CA5A: variants seen among roughly 807,000 people sequenced by gnomAD.
CA5A encodes carbonic anhydrase 5A, also known as carbonic anhydrase 5A, mitochondrial.
In CA5A, 28 loss-of-function variants were observed where a neutral mutation model predicts 37.1. The observed-to-expected ratio is 0.75, with a 90% CI of 0.56 to 1.03. The LOEUF is 1.03. CA5A is among the 50% of genes least tolerant of loss of function. CA5A has a pLI of 0.00. For missense variants in CA5A, 444 were observed against 399.9 expected, an observed-to-expected ratio of 1.11 and a Z score of -0.94; for synonymous variants, 171 against 158.4, an observed-to-expected ratio of 1.08 and a Z score of -0.60.
At chr16:87,921,878 A>ATTTTT (rs201967069) in intron 2 of CA5A, among the ~76,000 whole-genome samples, 3 of 149,422 alleles carry the variant, frequency 2.0e-5, no homozygotes, top group Non-Finnish European at 4.4e-5. Flanking sequence ...TATTATTATT[A>ATTTTT]TTTTTGAGAG....
rs927326038 is a variant in CA5A, at chr16:87,911,257, C to T, written c.341-6353G>A. 3.3e-5 allele frequency among the ~76,000 whole-genome samples: 5 copies of T among 152,244 alleles called. No individual in the cohort carries two copies. The highest frequency in any genetic ancestry group is 1.2e-4 in the African/African-American group (5 of 41,536). On this transcript the variant is annotated intron_variant, in intron 2 of 6. Transcript: ENST00000649794. This position sits in a 1 kb window ranked among gnomAD's most constrained non-coding sequence, Gnocchi z 4.6. Reference sequence around the variant, plus strand: ...TTCTGTGTAAGCAGGTGCGTCAGAACCGGCTCATGGAGATATAATTGAACG... The same window carrying T: ...TTCTGTGTAAGCAGGTGCGTCAGAATCGGCTCATGGAGATATAATTGAACG...
rs370026368 is a variant in CA5A at position 87,921,579 on chromosome 16, TTC to T, written c.340+5167_340+5168del. ...ATTGCTGCAGCCAGTGACAGGGCTG[TTC>T]TGAGTGGCCACGCCCAGGTCCCCAC... On this transcript the variant is annotated intron_variant, in intron 2 of 6. Transcript: ENST00000649794. Among the ~76,000 whole-genome samples, 450 of 152,322 alleles carry T rather than the reference TTC, an allele frequency of 3.0e-3. 1 individual carries two copies. Among genetic ancestry groups the T allele is most frequent in the African/African-American group, 0.01 (431 of 41,578 alleles).
intron 5 of CA5A, among the ~76,000 whole-genome samples, chr16:87,901,453 C>T (rs1444142390): frequency 6.6e-6 from 1 of 152,218 alleles, no homozygotes; most frequent in African/African-American, 2.4e-5. Context: ...ATCAACCCTG[C>T]GGAATCCCAT....
At chr16:87,915,094 G>A (rs1463954140) in intron 2 of CA5A, among the ~76,000 whole-genome samples, 1 of 152,184 alleles carries the variant, frequency 6.6e-6, no homozygotes, top group African/African-American at 2.4e-5. Context: ...AGGAGCCACC[G>A]AATGAGGCTC....
At chr16:87,925,902 C>A (rs7200710) in intron 2 of CA5A, among the ~76,000 whole-genome samples, 1 of 151,942 alleles carries the variant, frequency 6.6e-6, no homozygotes, top group African/African-American at 2.4e-5. Flanking sequence ...TCAGTCTGTC[C>A]TCACAGCAGC....
intron 3 of CA5A, among the ~76,000 whole-genome samples, chr16:87,903,025 A>G (rs1330468981): frequency 2.0e-5 from 3 of 150,310 alleles, no homozygotes; most frequent in Admixed American, 2.0e-4. Flanking sequence ...GAACAGCCTC[A>G]GTCTTCCTGG....
Position 87,936,352 on chromosome 16 carries a change from C to G in CA5A, c.99G>C (p.Trp33Cys), listed in dbSNP as rs768805412. ...LWSRSMRPGR[W>C]CSQRSCAWQT... ...GCCATGCACAGGAACGCTGAGAACACCATCGCCCTGGCCTCATCGAACGAC... is the reference window on the plus strand; with the variant it reads ...GCCATGCACAGGAACGCTGAGAACAGCATCGCCCTGGCCTCATCGAACGAC... The change falls in exon 1 of 7, where the codon TGG (tryptophan) becomes TGC (cysteine). Residue 33 changes from tryptophan to cysteine, a missense_variant. Transcript: ENST00000649794. The G allele has an allele frequency of 1.9e-6, 3 of 1,613,990 alleles. No individual in the cohort carries two copies. The highest frequency in any genetic ancestry group is 1.1e-5 in the South Asian group (1 of 91,068).
At chr16:87,928,229 G>T (rs1436638799) in intron 1 of CA5A, among the ~76,000 whole-genome samples, 1 of 152,142 alleles carries the variant, frequency 6.6e-6, no homozygotes, top group African/African-American at 2.4e-5. Flanking sequence ...GAGTGTAGTG[G>T]TGTCAATCAC....
intron 6 of CA5A, 107 bp downstream of exon 6, chr16:87,891,692 A>AAT: frequency 9.8e-7 from 1 of 1,017,734 alleles, no homozygotes; most frequent in Non-Finnish European, 1.4e-6. Context: ...TGCATGAAAG[A>AAT]ATATATATAA....
intron 6 of CA5A, among the ~76,000 whole-genome samples, chr16:87,888,706 C>T (rs2143890913): frequency 6.6e-6 from 1 of 152,266 alleles, no homozygotes; most frequent in Admixed American, 6.5e-5. Flanking sequence ...CAGAGCCACC[C>T]AAATTCACAA....
intron 5 of CA5A, chr16:87,892,238 A>G (rs2055728229): frequency 7.2e-6 from 2 of 278,568 alleles, no homozygotes; most frequent in Non-Finnish European, 1.3e-5. Context: ...CTTGGGGCGC[A>G]GTAGCTCACC....
At chr16:87,889,136 C>G (rs2055678124) in intron 6 of CA5A, among the ~76,000 whole-genome samples, 1 of 152,066 alleles carries the variant, frequency 6.6e-6, no homozygotes, top group Non-Finnish European at 1.5e-5. Flanking sequence ...TCAGGCTGCT[C>G]TCAAACTCCT....
In CA5A at chr16:87,930,850, C is replaced by T. The variant is rs930682449; in HGVS notation, c.143-3905G>A. On this transcript the variant is annotated intron_variant, in intron 1 of 6. Coordinates refer to ENST00000649794, the MANE Select transcript of CA5A (RefSeq NM_001739.2). ...CCAACTCCCTGGTTCAGGCGATTCTCCTGCCTCAGCCTCCCAAGTAGCTGG... is the reference window on the plus strand; with the variant it reads ...CCAACTCCCTGGTTCAGGCGATTCTTCTGCCTCAGCCTCCCAAGTAGCTGG... Among the ~76,000 whole-genome samples the T allele has an allele frequency of 2.0e-5, 3 of 151,948 alleles. No homozygotes were observed. In the South Asian group the frequency reaches 6.2e-4, roughly 32 times the overall value.
intron 2 of CA5A, among the ~76,000 whole-genome samples, chr16:87,915,043 C>T (rs1184692729): frequency 2.6e-5 from 4 of 152,258 alleles, no homozygotes; most frequent in East Asian, 1.9e-4. Context: ...CCATCCTGAG[C>T]GTTTCACGGA....
chr16:87,890,559 A>C (rs2055698324), intron 6 of CA5A, among the ~76,000 whole-genome samples: 1 of 152,162 alleles, frequency 6.6e-6, no homozygotes, highest in Non-Finnish European at 1.5e-5. Context: ...GGACAGACAG[A>C]ATTGCTACAG....
intron 5 of CA5A, chr16:87,893,141 T>TA: frequency 1.9e-6 from 1 of 517,324 alleles, no homozygotes; most frequent in Admixed American, 3.7e-5. Context: ...TTTCTTTCTT[T>TA]CTTTCTTTTT....
At position 87,895,984 on chromosome 16, in the gene CA5A, G is replaced by A. The variant is rs186874803; in HGVS notation, c.619-4030C>T. Among the ~76,000 whole-genome samples, 19 of 152,220 alleles carry A rather than the reference G, an allele frequency of 1.2e-4. No individual in the cohort carries two copies. In the East Asian group the frequency reaches 3.1e-3, roughly 25 times the overall value. Reference sequence around the variant, plus strand: ...GGGTGTGCAGTGAGACATCAGTCTGGTGCACGTGGGTAACAGGCGGGTGTG... The same window carrying A: ...GGGTGTGCAGTGAGACATCAGTCTGATGCACGTGGGTAACAGGCGGGTGTG... On this transcript the variant is annotated intron_variant, in intron 5 of 6. Transcript: ENST00000649794.
chr16:87,917,756 T>G (rs1567530529), intron 2 of CA5A, among the ~76,000 whole-genome samples: 1 of 101,222 alleles, frequency 9.9e-6, no homozygotes, highest in Non-Finnish European at 1.8e-5. Flanking sequence ...CACACATGTA[T>G]ACACAGTGCA....
intron 5 of CA5A, among the ~76,000 whole-genome samples, chr16:87,895,256 A>G (rs2055785142): frequency 6.7e-6 from 1 of 150,022 alleles, no homozygotes; most frequent in Non-Finnish European, 1.5e-5. Flanking sequence ...TCTTAAAATA[A>G]GTAAATAGGC....
Sources: allele counts gnomAD v4.1 joint callset (sites outside exome capture counted in the v4.1 genomes callset), GRCh38; gene constraint gnomAD v4.1.1; non-coding constraint Gnocchi (gnomAD v3.1); transcripts MANE v1.5; gene names NCBI Gene and HGNC (gene_info 2026-07-23, HGNC 2026-07-21).